LYPD5: variants seen among roughly 807,000 people sequenced by gnomAD.
The protein encoded by LYPD5 is LY6/PLAUR domain containing 5, also known as ly6/PLAUR domain-containing protein 5.
LYPD5 carries 21 observed loss-of-function variants against 19.1 expected under a neutral mutation model. The ratio of observed to expected loss-of-function variants is 1.10; its 90% CI spans 0.78 to 1.58. LYPD5 has a LOEUF of 1.58. LYPD5 is among the 40% of genes most tolerant of loss of function. The pLI is 0.00. For missense variants in LYPD5, 287 were observed against 329.8 expected, an observed-to-expected ratio of 0.87 and a Z score of 1.00; for synonymous variants, 128 against 142.7, an observed-to-expected ratio of 0.90 and a Z score of 0.74.
At chr19:43,798,056 G>T (rs1970158128) in intron 4 of LYPD5, among the ~76,000 whole-genome samples, 1 of 150,764 alleles carries the variant, frequency 6.6e-6, no homozygotes, top group Non-Finnish European at 1.5e-5. Context: ...TCAGACCAGG[G>T]GCCATGCCTC....
intron 4 of LYPD5, 46 bp from the exon 5 acceptor site, chr19:43,797,875 C>T (rs749260598): frequency 2.8e-6 from 4 of 1,419,312 alleles, no homozygotes; most frequent in African/African-American, 2.8e-5. Context: ...CTGAGGGAGA[C>T]AGCTGCACCT....
In LYPD5 at chr19:43,797,524, G is replaced by T; in HGVS notation, c.*67C>A. 8.1e-7 allele frequency: 1 copy of T among 1,236,834 alleles called. No individual in the cohort carries two copies. The highest frequency in any genetic ancestry group is 1.1e-6 in the Non-Finnish European group (1 of 874,794). The allele number at this position is 1,236,834 out of a possible 1,614,324, so 76.6% of individuals were successfully genotyped here. ...TTAACATCATTTTCCAGTGAGCTAT[G>T]TGATAGGGGCTGAAGCAGCAAGAAT... On this transcript the variant is annotated 3_prime_UTR_variant, in exon 5 of 5. Coordinates refer to ENST00000377950, the MANE Select transcript of LYPD5 (RefSeq NM_001031749.3).
At chr19:43,803,877 G>C (rs1165914244), upstream of LYPD5, among the ~76,000 whole-genome samples, 1 of 151,832 alleles carries the variant, frequency 6.6e-6, no homozygotes, top group African/African-American at 2.4e-5. Flanking sequence ...TCACTCTGTT[G>C]CCCAGGCTGG....
At chr19:43,801,079 C>T (rs570003280) in intron 1 of LYPD5, among the ~76,000 whole-genome samples, 2 of 149,240 alleles carry the variant, frequency 1.3e-5, no homozygotes, top group Non-Finnish European at 3.0e-5. Flanking sequence ...AACAATTGGT[C>T]AGGCATGGTG....
chr19:43,813,182 C>A (rs1970341354), intron 1 of LYPD5, among the ~76,000 whole-genome samples: 1 of 152,184 alleles, frequency 6.6e-6, no homozygotes, highest in Admixed American at 6.5e-5. Context: ...GCCTCTGCTG[C>A]TAGCAGATTG....
In LYPD5 at chr19:43,797,814, G is replaced by T; in HGVS notation, c.533C>A (p.Pro178His). The change falls in exon 5 of 5, where the codon CCT becomes CAT. Residue 178 changes from proline to histidine, a missense_variant. Pro to His is a moderately conservative substitution (Grantham distance 77). Transcript: ENST00000377950. ...CCGGTGGCAGGTTCTGATGTACACA[G>T]GGACTGAGAAATTGCCTGGAGGTGG... is the stretch of plus-strand genomic sequence containing the variant. ...GRMTVGNFSV[P>H]VYIRTCHRPS... 1 of 1,613,394 alleles carries T rather than the reference G, an allele frequency of 6.2e-7. No individual in the cohort carries two copies. Among genetic ancestry groups the T allele is most frequent in the South Asian group, 1.1e-5 (1 of 91,060 alleles).
intron 1 of LYPD5, among the ~76,000 whole-genome samples, chr19:43,811,673 GAGAAAGAAAGAA>G (rs757588163): frequency 7.9e-6 from 1 of 126,366 alleles, no homozygotes; most frequent in African/African-American, 3.0e-5. Flanking sequence ...GTGACAAAGG[GAGAAAGAAAGAA>G]AGAAAGAAAG....
intron 1 of LYPD5, among the ~76,000 whole-genome samples, chr19:43,811,717 G>C (rs1357205116): frequency 8.2e-6 from 1 of 121,508 alleles, no homozygotes; most frequent in African/African-American, 3.3e-5. Flanking sequence ...GAAAGAAAGA[G>C]GGAAGGAGAG....
At chr19:43,812,915 C>G (rs1018880261) in intron 1 of LYPD5, among the ~76,000 whole-genome samples, 5 of 152,210 alleles carry the variant, frequency 3.3e-5, no homozygotes, top group African/African-American at 1.2e-4. Context: ...CAATGGTAAA[C>G]TGACATGGCA....
In LYPD5 at chr19:43,797,762, G is replaced by C; in HGVS notation, c.585C>G (p.Thr195=). The C allele has an allele frequency of 6.2e-7, 1 of 1,614,024 alleles. No individual in the cohort carries two copies. The highest frequency in any genetic ancestry group is 8.5e-7 in the Non-Finnish European group (1 of 1,179,960). Residue 195 remains threonine, a synonymous_variant, in exon 5 of 5, where the codon ACC becomes ACG. Transcript: ENST00000377950. ...HRPSCTTEGT[T]SPWTAIDLQG... ...GGAGGTCGATGGCTGTCCAGGGGCT[G>C]GTGGTGCCCTCGGTGGTGCAGGAGG... is the stretch of plus-strand genomic sequence containing the variant.
chr19:43,804,690 T>C (rs1417101406), upstream of LYPD5, among the ~76,000 whole-genome samples: 1 of 152,192 alleles, frequency 6.6e-6, no homozygotes, highest in Non-Finnish European at 1.5e-5. Context: ...CTGTTTTGCA[T>C]ACAAATTATT....
At chr19:43,802,645 GC>G (rs1349792081), upstream of LYPD5, among the ~76,000 whole-genome samples, 1 of 152,036 alleles carries the variant, frequency 6.6e-6, no homozygotes, top group East Asian at 1.9e-4. Context: ...TGTCTTGTTG[GC>G]CTTCTTCCTT....
Position 43,797,549 on chromosome 19 carries a change from T to A in LYPD5, c.*42A>T, listed in dbSNP as rs747508529. 2 of 1,422,132 alleles carry A rather than the reference T, an allele frequency of 1.4e-6. No homozygotes were observed. The highest frequency in any genetic ancestry group is 3.9e-5 in the Admixed American group (2 of 51,176). The allele number at this position is 1,422,132 out of a possible 1,614,324, so 88.1% of individuals were successfully genotyped here. On this transcript the variant is annotated 3_prime_UTR_variant, in exon 5 of 5. Coordinates refer to ENST00000377950, the MANE Select transcript of LYPD5 (RefSeq NM_001031749.3). The stretch of plus-strand genomic sequence containing the variant: ...GTGATAGGGGCTGAAGCAGCAAGAA[T>A]GAGGTGTGTGAGCCCTGTCCCCAGC...
At chr19:43,803,235 T>A (rs1970243878), upstream of LYPD5, among the ~76,000 whole-genome samples, 1 of 152,164 alleles carries the variant, frequency 6.6e-6, no homozygotes, top group South Asian at 2.1e-4. Context: ...CAGAAACATT[T>A]ATTAAATGAA....
chr19:43,802,921 G>A (rs1042131190), upstream of LYPD5, among the ~76,000 whole-genome samples: 1 of 152,206 alleles, frequency 6.6e-6, no homozygotes, highest in Admixed American at 6.5e-5. Context: ...CTCCCCTACC[G>A]GGCTGTGAAC....
chr19:43,816,907 C>T (rs1277646392), intron 1 of LYPD5, among the ~76,000 whole-genome samples: 1 of 152,204 alleles, frequency 6.6e-6, no homozygotes, highest in Non-Finnish European at 1.5e-5. Context: ...TCTTTGCTGG[C>T]TGCCATGTAA....
Position 43,802,443 on chromosome 19 carries a change from T to C in LYPD5, c.-63A>G. The C allele has an allele frequency of 1.4e-6, 2 of 1,480,906 alleles. No individual in the cohort carries two copies. Among genetic ancestry groups the C allele is most frequent in the Non-Finnish European group, 1.8e-6 (2 of 1,083,392 alleles). The allele number at this position is 1,480,906 out of a possible 1,614,324, so 91.7% of individuals were successfully genotyped here. A position where few individuals can be genotyped will look rare whatever the true frequency, so the allele number is the denominator to read the frequency against. On this transcript the variant is annotated 5_prime_UTR_variant, in exon 1 of 5. Coordinates refer to ENST00000377950, the MANE Select transcript of LYPD5 (RefSeq NM_001031749.3). ...TGATGTGCTGCCTGGCTGGTTCTCC[T>C]TACTGAGTCCTAAGCATCCCGGCCA...
chr19:43,814,260 G>A (rs1599698722), intron 1 of LYPD5, among the ~76,000 whole-genome samples: 1 of 152,202 alleles, frequency 6.6e-6, no homozygotes. Flanking sequence ...ATGAGTCTCA[G>A]GCGGGACGAT....
upstream of LYPD5, among the ~76,000 whole-genome samples, chr19:43,803,767 G>A (rs1281868319): frequency 6.6e-6 from 1 of 152,152 alleles, no homozygotes; most frequent in African/African-American, 2.4e-5. Context: ...GGTAGAACCT[G>A]TGGATGCAGA....
Sources: allele counts gnomAD v4.1 joint callset (sites outside exome capture counted in the v4.1 genomes callset), GRCh38; gene constraint gnomAD v4.1.1; transcripts MANE v1.5; gene names NCBI Gene and HGNC (gene_info 2026-07-23, HGNC 2026-07-21).